SCARA5: variants seen among roughly 807,000 people sequenced by gnomAD.
SCARA5 encodes the protein scavenger receptor class A, member 5 (putative).
Under a neutral mutation model 46.3 loss-of-function variants are expected in SCARA5, and 45 were observed. That is an observed-to-expected ratio of 0.97 (90% CI 0.76 to 1.24). The LOEUF (loss-of-function observed/expected upper bound fraction) is 1.24. SCARA5 is among the 50% of genes most tolerant of loss of function. SCARA5 has a pLI of 0.00. For missense variants in SCARA5, 680 were observed against 689.0 expected (o/e 0.99, Z 0.15); for synonymous variants, 333 against 306.5 (o/e 1.09, Z -0.90).
intron 7 of SCARA5, among the ~76,000 whole-genome samples, chr8:27,883,975 GA>G (rs35118416): frequency 0.78 from 118,187 of 151,876 alleles, 46,068 homozygotes; most frequent in Non-Finnish European, 0.8. Flanking sequence ...GGTCCCGAAG[GA>G]GATGGCAGAA....
intron 4 of SCARA5, among the ~76,000 whole-genome samples, chr8:27,920,997 AC>A (rs1358501853): frequency 7.4e-6 from 1 of 136,042 alleles, no homozygotes; most frequent in East Asian, 2.2e-4. Flanking sequence ...AAACAAAAAA[AC>A]AAAATACAAA....
intron 3 of SCARA5, among the ~76,000 whole-genome samples, chr8:27,947,042 C>T (rs1344990049): frequency 3.1e-4 from 46 of 148,236 alleles, no homozygotes; most frequent in African/African-American, 1.1e-3. Flanking sequence ...GAGGGAGTCT[C>T]GCTCTGTCAC....
intron 2 of SCARA5, among the ~76,000 whole-genome samples, chr8:27,979,481 T>C (rs1483229994): frequency 6.6e-6 from 1 of 151,976 alleles, no homozygotes; most frequent in African/African-American, 2.4e-5. Context: ...TAAGAGCTTG[T>C]TCAAGTTTTC....
intron 3 of SCARA5, among the ~76,000 whole-genome samples, chr8:27,965,821 C>T (rs529767556): frequency 1.3e-5 from 2 of 152,348 alleles, no homozygotes; most frequent in Admixed American, 6.5e-5. Context: ...ATGAGCTGGG[C>T]TGCTCACAGC....
At chr8:27,885,214 C>T (rs965646944) in intron 7 of SCARA5, among the ~76,000 whole-genome samples, 10 of 152,052 alleles carry the variant, frequency 6.6e-5, no homozygotes, top group Admixed American at 1.3e-4. Flanking sequence ...CCATTTTGGA[C>T]GAGTAGAGAA....
At chr8:27,890,536 G>T (rs1806965143) in intron 7 of SCARA5, among the ~76,000 whole-genome samples, 1 of 152,240 alleles carries the variant, frequency 6.6e-6, no homozygotes, top group Non-Finnish European at 1.5e-5. Flanking sequence ...GGAGGGCAAT[G>T]GGTAGATGTG....
chr8:27,909,670 T>C lies in SCARA5; in HGVS notation c.990A>G (p.Gly330=), dbSNP rs1288600022. ...CAGGGGCACGCTCATTACCTCGAAG[T>C]CCAGGCAATCCAGGGATGCCAGGCC... The part of the protein sequence containing the change: ...EGRPGIPGLP[G]LRGLPGERGT... Residue 330 remains glycine, a synonymous_variant, in exon 5 of 9, where the codon GGA becomes GGG. Coordinates refer to ENST00000354914, the MANE Select transcript of SCARA5 (RefSeq NM_173833.6). 6.5e-7 allele frequency: 1 copy of C among 1,549,406 alleles called. No individual in the cohort carries two copies. The highest frequency in any genetic ancestry group is 2.0e-5 in the Admixed American group (1 of 50,994).
At chr8:27,985,948 G>T (rs1355158071) in intron 2 of SCARA5, among the ~76,000 whole-genome samples, 2 of 152,234 alleles carry the variant, frequency 1.3e-5, no homozygotes, top group Non-Finnish European at 2.9e-5. Context: ...TCAGAAAAAG[G>T]GAGAGTAAGA....
At chr8:27,949,994 G>C (rs915361672) in intron 3 of SCARA5, among the ~76,000 whole-genome samples, 1 of 152,222 alleles carries the variant, frequency 6.6e-6, no homozygotes, top group Non-Finnish European at 1.5e-5. Context: ...GTCCACCAGG[G>C]CCTGAGCAGA....
intron 7 of SCARA5, among the ~76,000 whole-genome samples, chr8:27,902,208 G>A (rs749781259): frequency 1.3e-5 from 2 of 152,100 alleles, no homozygotes; most frequent in Admixed American, 6.5e-5. Flanking sequence ...GTAGCTCTTC[G>A]AGGCAGGAAA....
intron 7 of SCARA5, among the ~76,000 whole-genome samples, chr8:27,883,693 G>A (rs899526564): frequency 6.6e-6 from 1 of 152,208 alleles, no homozygotes; most frequent in Non-Finnish European, 1.5e-5. Context: ...CAAGGCCAGA[G>A]AAGAAATCAG....
chr8:27,960,590 G>A (rs1472775180), intron 3 of SCARA5, among the ~76,000 whole-genome samples: 1 of 152,084 alleles, frequency 6.6e-6, no homozygotes, highest in Non-Finnish European at 1.5e-5. Flanking sequence ...TTGTACAGAT[G>A]AAAAAACCAA....
chr8:27,982,516 C>T lies in SCARA5; in HGVS notation c.112+4988G>A, dbSNP rs1180333055. Reference sequence around the variant, plus strand: ...AGGAACCTTCCAGGTCCTATTTGGGCTTGGCCCTTCCAAGCAGTTCCAGCC... The same window carrying T: ...AGGAACCTTCCAGGTCCTATTTGGGTTTGGCCCTTCCAAGCAGTTCCAGCC... On this transcript the variant is annotated intron_variant, in intron 2 of 8. Transcript: ENST00000354914. Among the ~76,000 whole-genome samples the T allele has an allele frequency of 2.6e-5, 4 of 152,336 alleles. No individual in the cohort carries two copies. In the East Asian group the frequency reaches 7.7e-4, roughly 29 times the overall value.
intron 8 of SCARA5, among the ~76,000 whole-genome samples, chr8:27,878,198 C>T (rs1806755245): frequency 6.6e-6 from 1 of 152,214 alleles, no homozygotes; most frequent in African/African-American, 2.4e-5. Context: ...CCACACCCAC[C>T]TGGTCTTCTC....
intron 7 of SCARA5, among the ~76,000 whole-genome samples, chr8:27,889,909 A>G (rs972305876): frequency 2.6e-5 from 4 of 152,178 alleles, no homozygotes; most frequent in Non-Finnish European, 5.9e-5. Context: ...CCGTGCACAG[A>G]TATGCAGCAC....
At chr8:27,873,850 G>A (rs990301621) in intron 8 of SCARA5, among the ~76,000 whole-genome samples, 5 of 152,198 alleles carry the variant, frequency 3.3e-5, no homozygotes, top group Middle Eastern at 3.4e-3. Flanking sequence ...GCAAAACCCC[G>A]TCTCTACTAA....
chr8:27,964,954 A>G (rs1808345919), intron 3 of SCARA5, among the ~76,000 whole-genome samples: 1 of 152,100 alleles, frequency 6.6e-6, no homozygotes, highest in Admixed American at 6.5e-5. Flanking sequence ...TCGCAGCCAA[A>G]CCCACAAAAC....
At chr8:27,878,083 G>A (rs537345227) in intron 8 of SCARA5, among the ~76,000 whole-genome samples, 2 of 152,336 alleles carry the variant, frequency 1.3e-5, no homozygotes, top group East Asian at 1.9e-4. Context: ...AGGTACGCCC[G>A]GCTCCACTCC....
At chr8:27,984,784 C>T (rs1292753979) in intron 2 of SCARA5, among the ~76,000 whole-genome samples, 9 of 152,162 alleles carry the variant, frequency 5.9e-5, no homozygotes, top group African/African-American at 2.2e-4. Flanking sequence ...TTCATTCATC[C>T]ATCCATTCAC....
Sources: allele counts gnomAD v4.1 joint callset (sites outside exome capture counted in the v4.1 genomes callset), GRCh38; gene constraint gnomAD v4.1.1; transcripts MANE v1.5; gene names NCBI Gene and HGNC (gene_info 2026-07-23, HGNC 2026-07-21).